Variants in TENM2 observed in about 807,000 individuals in gnomAD.
TENM2 encodes the protein teneurin transmembrane protein 2.
A neutral mutation model predicts 245.2 loss-of-function variants in TENM2; 52 were observed. The observed-to-expected ratio is 0.21, with a 90% CI of 0.17 to 0.27. The LOEUF is 0.27. TENM2 is among the 10% of genes least tolerant of loss of function. The pLI is 1.00. For synonymous variants in TENM2, 1,363 were observed against 1,438.9 expected (o/e 0.95, Z 1.19); for missense variants, 3,046 against 3,666.8 (o/e 0.83, Z 4.37).
intron 3 of TENM2, among the ~76,000 whole-genome samples, chr5:167,951,049 T>A (rs940970334): frequency 2.0e-5 from 3 of 152,202 alleles, no homozygotes; most frequent in Admixed American, 1.3e-4. Flanking sequence ...TTCCTCCACA[T>A]TTTTCCTTCT....
chr5:167,342,513 T>TTTTC (rs1758171082), intron 1 of TENM2, among the ~76,000 whole-genome samples: 1 of 112,338 alleles, frequency 8.9e-6, no homozygotes, highest in Non-Finnish European at 1.8e-5. Context: ...TATTCTTTTT[T>TTTTC]TTTTTTTTTT....
chr5:167,797,420 G>A (rs1765397039), intron 2 of TENM2, among the ~76,000 whole-genome samples: 1 of 152,156 alleles, frequency 6.6e-6, no homozygotes, highest in South Asian at 2.1e-4. Flanking sequence ...TTAGCATTTA[G>A]GGAACTTCTT....
chr5:167,746,775 T>C (rs1761616648), intron 2 of TENM2, among the ~76,000 whole-genome samples: 1 of 150,772 alleles, frequency 6.6e-6, no homozygotes, highest in South Asian at 2.1e-4. Flanking sequence ...ATTTTGGAAA[T>C]GTTATTATTT....
At chr5:167,115,436 G>GCACC in the TENM2 span, among the ~76,000 whole-genome samples, 1 of 152,154 alleles carries the variant, frequency 6.6e-6, no homozygotes, top group African/African-American at 2.4e-5. Context: ...AAAATCCAGG[G>GCACC]CACCCACGGT....
intron 2 of TENM2, among the ~76,000 whole-genome samples, chr5:167,568,864 G>A (rs115460707): frequency 2.7e-3 from 404 of 152,020 alleles, no homozygotes; most frequent in Non-Finnish European, 4.5e-3. Flanking sequence ...CATAATTAAT[G>A]CATTTACTTA....
chr5:167,247,569 A>C, the TENM2 span, among the ~76,000 whole-genome samples: 1 of 152,294 alleles, frequency 6.6e-6, no homozygotes, highest in South Asian at 2.1e-4. Context: ...GCAATATGGA[A>C]TCACATAGCA....
the TENM2 span, among the ~76,000 whole-genome samples, chr5:167,228,238 C>T: frequency 6.6e-6 from 1 of 151,886 alleles, no homozygotes; most frequent in African/African-American, 2.4e-5. Flanking sequence ...CCATGATGGC[C>T]AGGCTGGTCT....
chr5:167,544,946 A>G (rs1179963697), intron 2 of TENM2, among the ~76,000 whole-genome samples: 1 of 152,190 alleles, frequency 6.6e-6, no homozygotes, highest in Non-Finnish European at 1.5e-5. Flanking sequence ...TGTTTTTTTT[A>G]ATATAGCAGC....
chr5:167,746,675 C>CAGAGAGAG (rs57973052), intron 2 of TENM2, among the ~76,000 whole-genome samples: 7,564 of 116,960 alleles, frequency 0.065, 418 homozygotes, highest in South Asian at 0.099. Flanking sequence ...AAATTACCAA[C>CAGAGAGAG]AGAGAGAGAG....
the TENM2 span, among the ~76,000 whole-genome samples, chr5:167,196,886 G>A: frequency 6.6e-5 from 10 of 152,002 alleles, no homozygotes; most frequent in Admixed American, 3.3e-4. Context: ...ATTTTGGAGG[G>A]GTGGGGGCAT....
At chr5:168,214,945 G>A (rs537327192) in intron 20 of TENM2, 95 bp from the exon 23 acceptor site, 3 of 951,186 alleles carry the variant, frequency 3.2e-6, no homozygotes, top group Admixed American at 1.9e-5. Flanking sequence ...ACTAGAGAAG[G>A]TAAGCGTCTT....
At chr5:167,215,866 AC>A in the TENM2 span, among the ~76,000 whole-genome samples, 1 of 152,226 alleles carries the variant, frequency 6.6e-6, no homozygotes, top group Non-Finnish European at 1.5e-5. Flanking sequence ...TATGCTGTAT[AC>A]CACAGTTGAT....
At chr5:167,755,148 A>G in intron 2 of TENM2, 2 of 1,599,120 alleles carry the variant, frequency 1.3e-6, no homozygotes, top group Non-Finnish European at 1.7e-6. Flanking sequence ...ACCTCACCTC[A>G]GTCTGTGAGT....
chr5:168,134,133 C>T lies in TENM2; in HGVS notation c.2422+7167C>T, dbSNP rs375125579. Among the ~76,000 whole-genome samples the T allele has an allele frequency of 6.6e-5, 10 of 151,652 alleles. No individual in the cohort carries two copies. In the East Asian group the frequency reaches 1.6e-3, roughly 24 times the overall value. The stretch of plus-strand genomic sequence containing the variant: ...TCATGCCACTGCACTCTAGCCTAGG[C>T]GACAGAGTGAGACTCTGTCTCAAAA... On this transcript the variant is annotated intron_variant, in intron 12 of 28. Transcript: ENST00000518659.
At chr5:167,293,596 T>A (rs1182495846) in intron 1 of TENM2, among the ~76,000 whole-genome samples, 2 of 151,996 alleles carry the variant, frequency 1.3e-5, no homozygotes, top group Admixed American at 6.6e-5. Context: ...CATTGACTGC[T>A]TTTTTCTCTT....
chr5:167,940,552 C>T (rs1051260867), intron 3 of TENM2, among the ~76,000 whole-genome samples: 4 of 152,142 alleles, frequency 2.6e-5, no homozygotes, highest in African/African-American at 7.2e-5. Context: ...GAATGAACTA[C>T]TCAATTATCT....
At chr5:167,441,708 C>T (rs1012151952) in intron 2 of TENM2, among the ~76,000 whole-genome samples, 2 of 152,166 alleles carry the variant, frequency 1.3e-5, no homozygotes, top group Admixed American at 1.3e-4. Context: ...AATTACCTCC[C>T]GCTTTCATAC....
chr5:167,655,358 A>G lies in TENM2; in HGVS notation c.503-220628A>G, dbSNP rs540188464. On this transcript the variant is annotated intron_variant, in intron 2 of 28. Transcript: ENST00000518659. ...TTGTCATTGCATTACTCTAGTCAAG[A>G]CCAAATCCTAGGACAATAGGTTCAT... Among the ~76,000 whole-genome samples, 5 of 152,300 alleles carry G rather than the reference A, an allele frequency of 3.3e-5. 1 individual carries two copies. In the South Asian group the frequency reaches 1.0e-3, roughly 32 times the overall value.
chr5:167,681,116 A>G (rs1322618850), intron 2 of TENM2, among the ~76,000 whole-genome samples: 1 of 152,202 alleles, frequency 6.6e-6, no homozygotes, highest in Non-Finnish European at 1.5e-5. Flanking sequence ...ATAATTATAT[A>G]TGCTTATAAA....
Sources: gnomAD v4.1 joint callset for allele counts (sites outside exome capture counted in the v4.1 genomes callset) on GRCh38, gnomAD v4.1.1 for gene constraint, MANE v1.5 for transcripts, NCBI Gene and HGNC (gene_info 2026-07-23, HGNC 2026-07-21) for gene names.